INPP4B: variants seen among roughly 807,000 people sequenced by gnomAD.
The protein encoded by INPP4B is inositol polyphosphate 4-phosphatase type II.
A neutral mutation model predicts 122.5 loss-of-function variants in INPP4B; 55 were observed. The ratio of observed to expected loss-of-function variants is 0.45; its 90% CI spans 0.36 to 0.56. INPP4B has a LOEUF of 0.56. INPP4B is among the 20% of genes least tolerant of loss of function. INPP4B has a pLI of 0.00. For missense variants in INPP4B, 1,000 were observed against 1,097.7 expected, an observed-to-expected ratio of 0.91 and a Z score of 1.26; for synonymous variants, 403 against 388.7, an observed-to-expected ratio of 1.04 and a Z score of -0.43.
chr4:142,801,146 A>C (rs1256547526), intron 1 of INPP4B, among the ~76,000 whole-genome samples: 1 of 152,222 alleles, frequency 6.6e-6, no homozygotes. Context: ...TTGCAAAATA[A>C]GGAAAAAACT....
intron 12 of INPP4B, among the ~76,000 whole-genome samples, chr4:142,214,591 C>A (rs113568010): frequency 6.6e-6 from 1 of 152,160 alleles, no homozygotes; most frequent in Non-Finnish European, 1.5e-5. Context: ...CTCGCTCTGC[C>A]GCCCAGGCTG....
chr4:142,066,721 A>G (rs1213496296), intron 25 of INPP4B, among the ~76,000 whole-genome samples: 1 of 152,176 alleles, frequency 6.6e-6, no homozygotes, highest in African/African-American at 2.4e-5. Context: ...AGCCTCACTC[A>G]TTGTTAGCAC....
intron 2 of INPP4B, among the ~76,000 whole-genome samples, chr4:142,503,996 G>A (rs1351118183): frequency 2.0e-5 from 3 of 151,906 alleles, no homozygotes; most frequent in Non-Finnish European, 2.9e-5. Context: ...TTAGGAGACA[G>A]CATCTATGAT....
rs200868784 is a variant in INPP4B at position 142,208,884 on chromosome 4, T to G, written c.967+12A>C. The G allele has an allele frequency of 6.6e-7, 1 of 1,526,356 alleles. No individual in the cohort carries two copies. The highest frequency in any genetic ancestry group is 2.3e-5 in the East Asian group (1 of 43,076). The allele number at this position is 1,526,356 out of a possible 1,614,324, so 94.6% of individuals were successfully genotyped here. Reference sequence around the variant, plus strand: ...AATTCACTTTGAGTAAGTAGAGAAATTGCTTCCACACCTGTTTCCTTGCTA... The same window carrying G: ...AATTCACTTTGAGTAAGTAGAGAAAGTGCTTCCACACCTGTTTCCTTGCTA... On this transcript the variant is annotated intron_variant, in intron 13 of 25. Transcript: ENST00000262992.
chr4:142,679,217 T>C (rs938434323), intron 2 of INPP4B, among the ~76,000 whole-genome samples: 1 of 151,830 alleles, frequency 6.6e-6, no homozygotes, highest in African/African-American at 2.4e-5. Flanking sequence ...ATGTGATTTC[T>C]TTGGAGGAAA....
intron 23 of INPP4B, among the ~76,000 whole-genome samples, chr4:142,099,969 G>A (rs1461814334): frequency 6.6e-6 from 1 of 152,066 alleles, no homozygotes; most frequent in Non-Finnish European, 1.5e-5. Flanking sequence ...AGGTCTTACT[G>A]TGCAGGCAGA....
chr4:142,221,993 T>A (rs1849578787), intron 12 of INPP4B, among the ~76,000 whole-genome samples: 2 of 152,338 alleles, frequency 1.3e-5, no homozygotes, highest in Non-Finnish European at 2.9e-5. Flanking sequence ...GGAGCCTCAC[T>A]CTGTCACCCA....
intron 17 of INPP4B, among the ~76,000 whole-genome samples, chr4:142,156,762 A>T (rs144988080): frequency 8.5e-5 from 13 of 152,260 alleles, no homozygotes; most frequent in African/African-American, 3.1e-4. Flanking sequence ...ATAGTGATTT[A>T]GAGTGAGCAG....
At chr4:142,554,365 TAAA>T (rs11363091) in intron 2 of INPP4B, among the ~76,000 whole-genome samples, 327 of 123,484 alleles carry the variant, frequency 2.6e-3, no homozygotes, top group Middle Eastern at 4.3e-3. Context: ...CTTGCAATAG[TAAA>T]AAAAAAAAAA....
chr4:142,379,834 C>T (rs1793404359), intron 7 of INPP4B, among the ~76,000 whole-genome samples: 2 of 152,210 alleles, frequency 1.3e-5, no homozygotes, highest in South Asian at 4.1e-4. Flanking sequence ...TGTAAGGGAT[C>T]ACAACCATCA....
intron 2 of INPP4B, among the ~76,000 whole-genome samples, chr4:142,596,889 C>T (rs1042152619): frequency 1.6e-4 from 24 of 152,330 alleles, no homozygotes; most frequent in East Asian, 5.8e-4. Flanking sequence ...CTTCACAATA[C>T]GCAGATTGAA....
intron 15 of INPP4B, among the ~76,000 whole-genome samples, chr4:142,177,460 G>T (rs1042618872): frequency 6.6e-6 from 1 of 151,912 alleles, no homozygotes; most frequent in African/African-American, 2.4e-5. Flanking sequence ...ATTTAAACTG[G>T]ATCCAAACAC....
At chr4:142,658,663 TG>T (rs1240674827) in intron 2 of INPP4B, among the ~76,000 whole-genome samples, 2 of 152,238 alleles carry the variant, frequency 1.3e-5, no homozygotes, top group Admixed American at 1.3e-4. Context: ...AGGATGCAAT[TG>T]GAAGAATTGG....
At chr4:142,660,498 C>G (rs1366229986) in intron 2 of INPP4B, among the ~76,000 whole-genome samples, 1 of 151,994 alleles carries the variant, frequency 6.6e-6, no homozygotes, top group Non-Finnish European at 1.5e-5. Flanking sequence ...TTAATTGTGT[C>G]TCTGTACTAT....
intron 3 of INPP4B, among the ~76,000 whole-genome samples, chr4:142,461,164 C>T (rs1816658607): frequency 6.6e-6 from 1 of 151,972 alleles, no homozygotes; most frequent in African/African-American, 2.4e-5. Context: ...ACAGTGAGAC[C>T]CTGAGTGACA....
chr4:142,803,584 T>C (rs896243778), intron 1 of INPP4B, among the ~76,000 whole-genome samples: 1 of 151,490 alleles, frequency 6.6e-6, no homozygotes, highest in African/African-American at 2.4e-5. Flanking sequence ...CCTTCTGTGT[T>C]CTAAGGCAGG....
At chr4:142,345,634 G>A (rs1223416598) in intron 7 of INPP4B, among the ~76,000 whole-genome samples, 4 of 151,982 alleles carry the variant, frequency 2.6e-5, no homozygotes, top group Admixed American at 6.6e-5. Flanking sequence ...CGTAGTATCC[G>A]AGCAGAGCTA....
chr4:142,812,481 C>T (rs1779633017), intron 1 of INPP4B, among the ~76,000 whole-genome samples: 2 of 152,120 alleles, frequency 1.3e-5, no homozygotes, highest in Non-Finnish European at 2.9e-5. Flanking sequence ...AGCTGTTTAA[C>T]AAATTCCACT....
intron 1 of INPP4B, among the ~76,000 whole-genome samples, chr4:142,829,865 C>A (rs577842464): frequency 3.3e-5 from 5 of 152,030 alleles, no homozygotes; most frequent in African/African-American, 1.2e-4. Flanking sequence ...AATTTAGTAA[C>A]GGGACTGATA....
Sources: allele counts gnomAD v4.1 joint callset (sites outside exome capture counted in the v4.1 genomes callset), GRCh38; gene constraint gnomAD v4.1.1; transcripts MANE v1.5; gene names NCBI Gene and HGNC (gene_info 2026-07-23, HGNC 2026-07-21).